STK33: variants seen among roughly 807,000 people sequenced by gnomAD.
STK33 encodes the protein serine/threonine-protein kinase 33.
In STK33, 52 loss-of-function variants were observed where a neutral mutation model predicts 58.0. The observed-to-expected ratio is 0.90, with a 90% confidence interval of 0.72 to 1.13. The LOEUF (loss-of-function observed/expected upper bound fraction) is 1.13. Ranked by LOEUF, STK33 falls within the 50% of genes most tolerant of loss-of-function variation. STK33 has a pLI of 0.00. For synonymous variants in STK33, 215 were observed against 200.1 expected, an observed-to-expected ratio of 1.07 and a Z score of -0.63; for missense variants, 630 against 604.2, an observed-to-expected ratio of 1.04 and a Z score of -0.45.
intron 14 of STK33, among the ~76,000 whole-genome samples, chr11:8,432,339 T>A (rs1943524886): frequency 6.6e-6 from 1 of 152,116 alleles, no homozygotes. Flanking sequence ...AGCAATTAAC[T>A]CCTGAACCAC....
At chr11:8,555,458 G>A (rs2140776369) in intron 1 of STK33, among the ~76,000 whole-genome samples, 1 of 152,264 alleles carries the variant, frequency 6.6e-6, no homozygotes, top group South Asian at 2.1e-4. Flanking sequence ...GAGCCCAGGA[G>A]TTCAAGACCA....
At chr11:8,365,951 G>A in the STK33 span, among the ~76,000 whole-genome samples, 5 of 152,180 alleles carry the variant, frequency 3.3e-5, no homozygotes, top group African/African-American at 1.2e-4. Context: ...CTGTCTATCT[G>A]TCTGTCTCGG....
intron 14 of STK33, among the ~76,000 whole-genome samples, chr11:8,434,430 A>G (rs1026368038): frequency 3.3e-5 from 5 of 152,122 alleles, no homozygotes; most frequent in Non-Finnish European, 7.4e-5. Context: ...CAGTTCTCAG[A>G]AAAATTTCTG....
chr11:8,553,204 T>C lies in STK33; in HGVS notation c.-466+40879A>G, dbSNP rs1176431067. ...TATATATATATATATATATGGTGTA[T>C]ATATATATATATATATATATGGTGT... On this transcript the variant is annotated intron_variant, in intron 1 of 15. Coordinates refer to ENST00000687296, the MANE Select transcript of STK33 (RefSeq NM_001352389.2). Among the ~76,000 whole-genome samples the C allele has an allele frequency of 3.9e-5, 3 of 76,418 alleles. 1 individual carries two copies. The highest frequency in any genetic ancestry group is 2.1e-4 in the African/African-American group (3 of 14,166). 50.1% of individuals were successfully genotyped at this position (76,418 alleles called of 152,430 possible).
At chr11:8,572,488 C>T (rs1591846469) in intron 1 of STK33, among the ~76,000 whole-genome samples, 1 of 152,138 alleles carries the variant, frequency 6.6e-6, no homozygotes, top group East Asian at 1.9e-4. Flanking sequence ...AGAAATGATA[C>T]AACTAGCAGA....
At chr11:8,395,295 T>G (rs892530417) in intron 15 of STK33, among the ~76,000 whole-genome samples, 1 of 152,156 alleles carries the variant, frequency 6.6e-6, no homozygotes, top group Non-Finnish European at 1.5e-5. Context: ...AATGAATAAG[T>G]CTCACGAAAT....
At chr11:8,576,199 C>G (rs1329969959) in intron 1 of STK33, among the ~76,000 whole-genome samples, 2 of 152,152 alleles carry the variant, frequency 1.3e-5, no homozygotes, top group Non-Finnish European at 2.9e-5. Context: ...TCCTAATCCT[C>G]ATGACTCTCT....
downstream of STK33, among the ~76,000 whole-genome samples, chr11:8,387,072 T>C (rs1171459788): frequency 2.0e-5 from 3 of 152,192 alleles, no homozygotes; most frequent in African/African-American, 7.2e-5. Flanking sequence ...CTTGAGAACT[T>C]ACTTTTATCA....
At chr11:8,519,872 G>A (rs1953225041) in intron 1 of STK33, among the ~76,000 whole-genome samples, 1 of 152,150 alleles carries the variant, frequency 6.6e-6, no homozygotes, top group Non-Finnish European at 1.5e-5. Context: ...ACCAAAAAAA[G>A]TCCAGGACCA....
At chr11:8,347,156 A>G in the STK33 span, among the ~76,000 whole-genome samples, 4 of 152,114 alleles carry the variant, frequency 2.6e-5, no homozygotes, top group Non-Finnish European at 5.9e-5. Context: ...TCCCCTTTCG[A>G]TATATCTTCA....
chr11:8,388,371 C>T (rs1013237624), downstream of STK33, among the ~76,000 whole-genome samples: 6 of 152,224 alleles, frequency 3.9e-5, no homozygotes, highest in Admixed American at 1.3e-4. Flanking sequence ...AAATGCAAGA[C>T]AGCCGCAGAT....
intron 1 of STK33, among the ~76,000 whole-genome samples, chr11:8,496,358 T>C (rs1396228642): frequency 2.6e-5 from 4 of 152,220 alleles, no homozygotes; most frequent in Non-Finnish European, 5.9e-5. Flanking sequence ...GTAAATTATT[T>C]GAAAACAATT....
intron 1 of STK33, among the ~76,000 whole-genome samples, chr11:8,545,844 G>C (rs979349600): frequency 6.6e-6 from 1 of 152,146 alleles, no homozygotes; most frequent in Non-Finnish European, 1.5e-5. Flanking sequence ...TTAACAATGG[G>C]AATACATTTG....
At chr11:8,455,170 AG>A (rs1324309202) in intron 9 of STK33, among the ~76,000 whole-genome samples, 1 of 152,200 alleles carries the variant, frequency 6.6e-6, no homozygotes, top group Non-Finnish European at 1.5e-5. Context: ...AAACCCAGCC[AG>A]GTTTCCCATA....
At chr11:8,472,186 T>C (rs750692434) in intron 6 of STK33, among the ~76,000 whole-genome samples, 4 of 152,148 alleles carry the variant, frequency 2.6e-5, no homozygotes, top group Non-Finnish European at 4.4e-5. Context: ...TCCTCAGCCT[T>C]TCAAAATGCT....
chr11:8,348,816 T>G, the STK33 span, among the ~76,000 whole-genome samples: 1 of 152,250 alleles, frequency 6.6e-6, no homozygotes, highest in African/African-American at 2.4e-5. Context: ...TCAATAACCC[T>G]GAGCATCCCT....
chr11:8,439,731 C>G (rs1438021438), intron 12 of STK33, among the ~76,000 whole-genome samples: 1 of 151,556 alleles, frequency 6.6e-6, no homozygotes, highest in Non-Finnish European at 1.5e-5. Flanking sequence ...CAGCCCCAAA[C>G]TGGAAAGGCA....
intron 5 of STK33, among the ~76,000 whole-genome samples, chr11:8,474,037 T>C (rs1259596353): frequency 6.6e-6 from 1 of 152,148 alleles, no homozygotes; most frequent in African/African-American, 2.4e-5. Context: ...TAGCTGGGCA[T>C]GGTGGTGCAT....
At chr11:8,338,549 G>A in the STK33 span, among the ~76,000 whole-genome samples, 2 of 152,120 alleles carry the variant, frequency 1.3e-5, no homozygotes, top group Non-Finnish European at 2.9e-5. Flanking sequence ...CTCCCAGAGG[G>A]TGGAACCACC....
Sources: allele counts gnomAD v4.1 joint callset (sites outside exome capture counted in the v4.1 genomes callset), GRCh38; gene constraint gnomAD v4.1.1; transcripts MANE v1.5; gene names NCBI Gene and HGNC (gene_info 2026-07-23, HGNC 2026-07-21).